TASOR: variants seen among roughly 807,000 people sequenced by gnomAD.
The protein encoded by TASOR is protein TASOR.
A neutral mutation model predicts 178.6 loss-of-function variants in TASOR; 53 were observed. The observed-to-expected ratio is 0.30, with a 90% confidence interval of 0.24 to 0.37. The LOEUF (loss-of-function observed/expected upper bound fraction) is 0.37. TASOR is among the 10% of genes least tolerant of loss of function. The probability of loss-of-function intolerance (pLI) is 1.00; values close to 1 mark genes in which losing one functional copy is unlikely to be tolerated. For synonymous variants in TASOR, 713 were observed against 696.2 expected, an observed-to-expected ratio of 1.02 and a Z score of -0.38; for missense variants, 1,815 against 1,971.4, an observed-to-expected ratio of 0.92 and a Z score of 1.50.
At position 56,682,959 on chromosome 3, in the gene TASOR, A is replaced by G. The variant is rs1201637478; in HGVS notation, c.48T>C (p.Ser16=). ...CGTCTCCGCCGCCGCCACTTTCCCA[A>G]CTCGCATCCGTCGGCTGACAGGCCT... The part of the protein sequence containing the change: ...ETEACQPTDA[S]WESGGGGDDE... Residue 16 remains serine (S), a synonymous_variant, in exon 1 of 24, where the codon AGT becomes AGC. Transcript: ENST00000683822. 3 of 1,548,882 alleles carry G rather than the reference A, an allele frequency of 1.9e-6. No homozygotes were observed. The highest frequency in any genetic ancestry group is 2.4e-5 in the East Asian group (1 of 40,824).
At chr3:56,641,098 C>G (rs1049093018) in intron 15 of TASOR, among the ~76,000 whole-genome samples, 1 of 102,810 alleles carries the variant, frequency 9.7e-6, no homozygotes, top group Non-Finnish European at 1.7e-5. Context: ...TAGATTGTTC[C>G]GCCTAAGCTT....
At chr3:56,670,239 G>C (rs2030537244) in intron 3 of TASOR, 94 bp from the exon 4 acceptor site, 1 of 706,520 alleles carries the variant, frequency 1.4e-6, no homozygotes, top group Admixed American at 3.1e-5. Context: ...TAAAAACAAA[G>C]CTTCTTAACT....
chr3:56,646,965 G>A lies in TASOR; in HGVS notation c.1772C>T (p.Ala591Val). Residue 591 changes from alanine (A) to valine (V), a missense_variant, in exon 14 of 24, where the codon GCT becomes GTT. Physicochemically the swap from Ala to Val is moderately conservative, Grantham distance 64. Coordinates refer to ENST00000683822, the MANE Select transcript of TASOR (RefSeq NM_001365635.2). ...ATCAATATGGGATTTATTTCTGGGA[G>A]CTGAGTATAAGAATTTTTTATCATC... ...RLDDKKFLYS[A>V]PRNKSHIDTC... is the part of the protein sequence containing the mutation. The A allele has an allele frequency of 6.2e-7, 1 of 1,610,684 alleles. No individual in the cohort carries two copies. The highest frequency in any genetic ancestry group is 8.5e-7 in the Non-Finnish European group (1 of 1,179,286).
intron 11 of TASOR, among the ~76,000 whole-genome samples, chr3:56,652,968 TAA>T (rs1349885384): frequency 6.6e-6 from 1 of 151,964 alleles, no homozygotes; most frequent in Non-Finnish European, 1.5e-5. Context: ...TTCAGAGTCC[TAA>T]AAAGACAGGC....
chr3:56,630,533 A>G (rs1252143207), intron 18 of TASOR, among the ~76,000 whole-genome samples: 1 of 152,212 alleles, frequency 6.6e-6, no homozygotes, highest in Non-Finnish European at 1.5e-5. Context: ...TAGGAAATGC[A>G]TCTCCTATCC....
Position 56,649,991 on chromosome 3 carries a change from G to C in TASOR, c.1369-934C>G, listed in dbSNP as rs528816131. Among the ~76,000 whole-genome samples the C allele has an allele frequency of 5.3e-5, 8 of 152,350 alleles. No homozygotes were observed. The East Asian group carries it at 1.3e-3, about 26-fold the overall frequency. On this transcript the variant is annotated intron_variant, in intron 11 of 23. Transcript: ENST00000683822. ...AGCCAGGCTGGCCAGGAATGTCCTT[G>C]AGAGCATATCCCTTTGAGCTACTGT... is the stretch of plus-strand genomic sequence containing the variant.
At chr3:56,644,722 G>C (rs555059874) in intron 14 of TASOR, among the ~76,000 whole-genome samples, 1 of 152,100 alleles carries the variant, frequency 6.6e-6, no homozygotes. Flanking sequence ...CCACCAAAGA[G>C]ATAAAGAACA....
At chr3:56,661,908 T>C (rs1437348021) in intron 9 of TASOR, among the ~76,000 whole-genome samples, 5 of 152,090 alleles carry the variant, frequency 3.3e-5, no homozygotes, top group African/African-American at 1.2e-4. Context: ...GAGGATCATA[T>C]GAGGTCAGGA....
intron 17 of TASOR, among the ~76,000 whole-genome samples, chr3:56,637,457 G>A (rs2077040060): frequency 6.6e-6 from 1 of 152,116 alleles, no homozygotes; most frequent in Non-Finnish European, 1.5e-5. Flanking sequence ...GGAGGCAGAG[G>A]TTGCAGTGAA....
chr3:56,661,170 A>G (rs1488292394), intron 9 of TASOR, among the ~76,000 whole-genome samples, 153 bp from the exon 10 acceptor site: 1 of 152,172 alleles, frequency 6.6e-6, no homozygotes, highest in East Asian at 1.9e-4. Flanking sequence ...TTCGTTTGTG[A>G]CAGTCTCACT....
intron 23 of TASOR, 199 bp from the exon 24 acceptor site, chr3:56,623,765 G>A (rs1407856109): frequency 3.2e-6 from 5 of 1,550,054 alleles, no homozygotes; most frequent in Non-Finnish European, 3.5e-6. Context: ...GATGCTAAAA[G>A]CTTCTGCGAA....
At chr3:56,668,679 T>C in intron 5 of TASOR, 121 bp from the exon 6 acceptor site, 2 of 777,626 alleles carry the variant, frequency 2.6e-6, no homozygotes, top group South Asian at 2.0e-5. Context: ...TTCCCTTTAA[T>C]ATCTCACAGA....
Position 56,656,959 on chromosome 3 carries a change from G to A in TASOR, c.1368+3772C>T, listed in dbSNP as rs568314963. On this transcript the variant is annotated intron_variant, in intron 11 of 23. Transcript: ENST00000683822. The stretch of plus-strand genomic sequence containing the variant: ...CAGGAGGAGGAGGTTGCGGTGAGCC[G>A]AGATTGCACCATTGCACTCCAACCT... Among the ~76,000 whole-genome samples the A allele has an allele frequency of 2.0e-4, 30 of 151,010 alleles. 2 individuals carry two copies. The South Asian group carries it at 3.6e-3, about 18-fold the overall frequency.
intron 17 of TASOR, among the ~76,000 whole-genome samples, chr3:56,636,556 C>T (rs2077021695): frequency 6.6e-6 from 1 of 151,764 alleles, no homozygotes; most frequent in Non-Finnish European, 1.5e-5. Flanking sequence ...AGGCTCAAGC[C>T]ACCATGCTCA....
At chr3:56,666,543 T>C (rs2029994142) in intron 6 of TASOR, among the ~76,000 whole-genome samples, 159 bp from the exon 7 acceptor site, 1 of 152,218 alleles carries the variant, frequency 6.6e-6, no homozygotes, top group Non-Finnish European at 1.5e-5. Flanking sequence ...AATTAGTACT[T>C]TGTATTCATT....
rs2107529874 is a variant in TASOR at position 56,627,100 on chromosome 3, G to A, written c.4076C>T (p.Pro1359Leu). Residue 1359 changes from proline (P) to leucine (L), a missense_variant, in exon 21 of 24, where the codon CCA becomes CTA. Pro to Leu is a moderately conservative substitution (Grantham distance 98). This residue lies in a region of TASOR where 134 missense variants were observed against 195.2 expected (regional missense o/e 0.69). Coordinates refer to ENST00000683822, the MANE Select transcript of TASOR (RefSeq NM_001365635.2). ...FLTFLEELSTPEGKWQWKVHC... is the reference protein window; with the variant it reads ...FLTFLEELSTLEGKWQWKVHC... ...GACTTTCCATTGCCATTTTCCTTCTGGAGTACTAAGTTCCTCAAGGAATGT... is the reference window on the plus strand; with the variant it reads ...GACTTTCCATTGCCATTTTCCTTCTAGAGTACTAAGTTCCTCAAGGAATGT... 1 of 1,612,696 alleles carries A rather than the reference G, an allele frequency of 6.2e-7. No homozygotes were observed. The highest frequency in any genetic ancestry group is 1.3e-5 in the African/African-American group (1 of 74,946).
intron 21 of TASOR, 138 bp from the exon 22 acceptor site, chr3:56,625,144 A>AG: frequency 1.3e-6 from 1 of 751,336 alleles, no homozygotes; most frequent in Non-Finnish European, 2.1e-6. Flanking sequence ...TGCCTGATGT[A>AG]GGGGGTGTGC....
chr3:56,630,628 A>G (rs776580934), intron 18 of TASOR, among the ~76,000 whole-genome samples: 2 of 152,052 alleles, frequency 1.3e-5, no homozygotes, highest in African/African-American at 2.4e-5. Context: ...CACATCACCT[A>G]AGGTCAGGAG....
At chr3:56,661,256 C>A (rs1033733461) in intron 9 of TASOR, among the ~76,000 whole-genome samples, 3 of 152,182 alleles carry the variant, frequency 2.0e-5, no homozygotes, top group Non-Finnish European at 4.4e-5. Flanking sequence ...AAGTGATTCT[C>A]CCACCTCAAC....
Sources: gnomAD v4.1 joint callset for allele counts (sites outside exome capture counted in the v4.1 genomes callset) on GRCh38, gnomAD v4.1.1 for gene constraint, gnomAD v4.1.1 regional missense constraint, MANE v1.5 for transcripts, NCBI Gene and HGNC (gene_info 2026-07-23, HGNC 2026-07-21) for gene names.